Variants in ADAMTS19 observed in about 807,000 individuals in gnomAD.
ADAMTS19 encodes A disintegrin and metalloproteinase with thrombospondin motifs 19.
Under a neutral mutation model 153.3 loss-of-function variants are expected in ADAMTS19, and 93 were observed. The ratio of observed to expected loss-of-function variants is 0.61; its 90% CI spans 0.51 to 0.72. The LOEUF is 0.72. Ranked by LOEUF, ADAMTS19 falls within the 30% of genes least tolerant of loss-of-function variation. The probability of loss-of-function intolerance (pLI) is 0.00; values close to 1 mark genes in which losing one functional copy is unlikely to be tolerated. For missense variants in ADAMTS19, 1,482 were observed against 1,552.1 expected (o/e 0.95, Z 0.76); for synonymous variants, 600 against 556.6 (o/e 1.08, Z -1.10).
chr5:129,574,816 C>T (rs1754043466), intron 7 of ADAMTS19, among the ~76,000 whole-genome samples: 1 of 150,920 alleles, frequency 6.6e-6, no homozygotes, highest in Admixed American at 6.6e-5. Flanking sequence ...TTATTAAGTT[C>T]CAATCAGAAA....
At chr5:129,611,236 G>A (rs1474982760) in intron 8 of ADAMTS19, among the ~76,000 whole-genome samples, 1 of 152,000 alleles carries the variant, frequency 6.6e-6, no homozygotes, top group Non-Finnish European at 1.5e-5. Context: ...CATTCTGTAG[G>A]TTGCCTGTCC....
chr5:129,673,800 ATTG>A (rs770168447), intron 16 of ADAMTS19, among the ~76,000 whole-genome samples: 4 of 151,862 alleles, frequency 2.6e-5, no homozygotes, highest in East Asian at 3.9e-4. Context: ...TACACTTAGG[ATTG>A]TTAAGTCTAC....
rs564227256 is a variant in ADAMTS19 at position 129,525,026 on chromosome 5, C to T, written c.914-1258C>T. Among the ~76,000 whole-genome samples the T allele has an allele frequency of 2.1e-3, 321 of 152,220 alleles. 1 individual carries two copies. Among genetic ancestry groups the T allele is most frequent in the African/African-American group, 7.2e-3 (298 of 41,564 alleles). On this transcript the variant is annotated intron_variant, in intron 3 of 22. Coordinates refer to ENST00000274487, the MANE Select transcript of ADAMTS19 (RefSeq NM_133638.6). Reference sequence around the variant, plus strand: ...CATGTTACAGCAGCTGGCTCCTTTTCATTGCTATATAGTATTCCATTATAT... The same window carrying T: ...CATGTTACAGCAGCTGGCTCCTTTTTATTGCTATATAGTATTCCATTATAT...
intron 14 of ADAMTS19, among the ~76,000 whole-genome samples, chr5:129,658,204 T>C (rs537825797): frequency 6.6e-6 from 1 of 152,072 alleles, no homozygotes; most frequent in South Asian, 2.1e-4. Flanking sequence ...GAGGCTGGCT[T>C]CAGCCTGGGA....
chr5:129,692,410 G>A (rs1755376951), intron 18 of ADAMTS19, among the ~76,000 whole-genome samples: 1 of 151,992 alleles, frequency 6.6e-6, no homozygotes, highest in Admixed American at 6.6e-5. Context: ...GAAGTTGTTG[G>A]GTTTTGAGCA....
intron 8 of ADAMTS19, among the ~76,000 whole-genome samples, chr5:129,597,148 A>G (rs1214089574): frequency 6.6e-6 from 1 of 152,188 alleles, no homozygotes. Flanking sequence ...AATATTAACT[A>G]TGTCTCAGGA....
intron 6 of ADAMTS19, among the ~76,000 whole-genome samples, chr5:129,541,136 A>G (rs2126798996): frequency 6.6e-6 from 1 of 151,878 alleles, no homozygotes; most frequent in South Asian, 2.1e-4. Context: ...AATTTTAGTG[A>G]GAGGTACTTC....
intron 21 of ADAMTS19, among the ~76,000 whole-genome samples, chr5:129,729,080 A>G (rs2127215650): frequency 6.6e-6 from 1 of 152,206 alleles, no homozygotes; most frequent in South Asian, 2.1e-4. Flanking sequence ...AATTATTTGG[A>G]GTTTTACTTT....
At chr5:129,697,929 A>G (rs1355140594) in intron 19 of ADAMTS19, among the ~76,000 whole-genome samples, 1 of 152,242 alleles carries the variant, frequency 6.6e-6, no homozygotes, top group African/African-American at 2.4e-5. Context: ...TTTTTCTGAT[A>G]CATCAGGAAT....
At chr5:129,546,412 T>C (rs1752863136) in intron 6 of ADAMTS19, among the ~76,000 whole-genome samples, 1 of 150,120 alleles carries the variant, frequency 6.7e-6, no homozygotes, top group East Asian at 1.9e-4. Context: ...AAAGAGAAGA[T>C]AAATAAAAAC....
intron 3 of ADAMTS19, among the ~76,000 whole-genome samples, chr5:129,521,226 G>A (rs532767252): frequency 2.0e-5 from 3 of 151,924 alleles, no homozygotes; most frequent in Non-Finnish European, 4.4e-5. Context: ...AATTTTATTT[G>A]ATAATCAAAA....
At chr5:129,670,419 C>A (rs1301881300) in intron 16 of ADAMTS19, among the ~76,000 whole-genome samples, 1 of 152,074 alleles carries the variant, frequency 6.6e-6, no homozygotes, top group East Asian at 1.9e-4. Flanking sequence ...CCTCAGAATA[C>A]CTCTATGAAG....
intron 21 of ADAMTS19, among the ~76,000 whole-genome samples, chr5:129,714,585 CAG>C (rs1561665811): frequency 6.6e-6 from 1 of 151,990 alleles, no homozygotes; most frequent in African/African-American, 2.4e-5. Flanking sequence ...TGAGGGATAT[CAG>C]GGGGCAACCA....
At chr5:129,465,676 G>A (rs1749831907) in intron 2 of ADAMTS19, among the ~76,000 whole-genome samples, 3 of 152,300 alleles carry the variant, frequency 2.0e-5, no homozygotes, top group Admixed American at 6.5e-5. Context: ...GAAAGCTGCT[G>A]TCAGGGCAGG....
rs570866584 is a variant in ADAMTS19 at position 129,475,832 on chromosome 5, A to G, written c.747+14075A>G. ...TGGGAGACAGAGGAGACTCCATCTC[A>G]AAATAAAAATAAATTGTTTTGGCCA... On this transcript the variant is annotated intron_variant, in intron 2 of 22. Coordinates refer to ENST00000274487, the MANE Select transcript of ADAMTS19 (RefSeq NM_133638.6). Among the ~76,000 whole-genome samples, 75 of 152,336 alleles carry G rather than the reference A, an allele frequency of 4.9e-4. 1 individual carries two copies. The South Asian group carries it at 0.016, about 32-fold the overall frequency.
intron 3 of ADAMTS19, among the ~76,000 whole-genome samples, chr5:129,520,526 T>C (rs916740640): frequency 2.6e-5 from 4 of 152,186 alleles, no homozygotes; most frequent in African/African-American, 7.2e-5. Context: ...ATTTCAATGA[T>C]AGGAAAGATA....
chr5:129,664,168 T>C (rs1753935610), intron 15 of ADAMTS19, among the ~76,000 whole-genome samples: 1 of 152,218 alleles, frequency 6.6e-6, no homozygotes, highest in Admixed American at 6.5e-5. Context: ...TAAACAACTC[T>C]GGTTTATAAC....
chr5:129,632,523 T>C (rs1444825335), intron 10 of ADAMTS19, among the ~76,000 whole-genome samples: 11 of 152,038 alleles, frequency 7.2e-5, no homozygotes, highest in Admixed American at 7.2e-4. Context: ...CATGACTTCC[T>C]GAAGATAGGA....
intron 7 of ADAMTS19, among the ~76,000 whole-genome samples, chr5:129,574,933 A>G (rs1340180216): frequency 1.3e-5 from 2 of 151,980 alleles, no homozygotes; most frequent in Non-Finnish European, 2.9e-5. Context: ...ATGTCTTAAA[A>G]ATACATCTAC....
Sources: allele counts gnomAD v4.1 joint callset (sites outside exome capture counted in the v4.1 genomes callset), GRCh38; gene constraint gnomAD v4.1.1; transcripts MANE v1.5; gene names NCBI Gene and HGNC (gene_info 2026-07-23, HGNC 2026-07-21).